The following GPSM2 variants were observed in gnomAD, a reference collection of about 807,000 sequenced individuals.
GPSM2 encodes G protein-signaling modulator 2.
GPSM2 carries 58 observed loss-of-function variants against 78.4 expected under a neutral mutation model. The observed-to-expected ratio is 0.74, with a 90% confidence interval of 0.60 to 0.92. The LOEUF (loss-of-function observed/expected upper bound fraction) is 0.92. Among genes scored for constraint, GPSM2 ranks in the 40% least tolerant of loss-of-function variants. GPSM2 has a pLI of 0.00. For missense variants in GPSM2, 700 were observed against 815.5 expected (o/e 0.86, Z 1.73); for synonymous variants, 224 against 280.2 (o/e 0.80, Z 2.00).
Position 108,903,243 on chromosome 1 carries a change from CT to C in GPSM2, c.1062+10del. The C allele has an allele frequency of 6.9e-7, 1 of 1,459,038 alleles. No individual in the cohort carries two copies. Among genetic ancestry groups the C allele is most frequent in the Non-Finnish European group, 9.6e-7 (1 of 1,039,262 alleles). 90.4% of individuals were successfully genotyped at this position (1,459,038 alleles called of 1,614,324 possible). On this transcript the variant is annotated intron_variant, in intron 9 of 14. Transcript: ENST00000264126. Reference sequence around the variant, plus strand: ...TGGAAATTTCAAGAGAGGTATGAAACTAAAAAAAATGCTGTCTGTGCTATTG... The same window carrying C: ...TGGAAATTTCAAGAGAGGTATGAAACAAAAAAAATGCTGTCTGTGCTATTG...
intron 10 of GPSM2, among the ~76,000 whole-genome samples, chr1:108,912,286 G>A (rs928001447): frequency 6.6e-6 from 1 of 152,146 alleles, no homozygotes; most frequent in Admixed American, 6.5e-5. Context: ...TTTCTTTACA[G>A]ATATAAGTAA....
chr1:108,918,630 T>C lies in GPSM2; in HGVS notation c.1281T>C (p.Ser427=). 1 of 1,613,348 alleles carries C rather than the reference T, an allele frequency of 6.2e-7. No homozygotes were observed. The highest frequency in any genetic ancestry group is 8.5e-7 in the Non-Finnish European group (1 of 1,179,356). ...LTPEKVQNWN[S]EILAKQKPLI... The stretch of plus-strand genomic sequence containing the variant: ...TTTTGTAGGTACAGAACTGGAACAG[T>C]GAAATTCTTGCTAAGCAAAAACCTC... Residue 427 remains serine, a synonymous_variant, in exon 12 of 15, where the codon AGT becomes AGC. Coordinates refer to ENST00000264126, the MANE Select transcript of GPSM2 (RefSeq NM_013296.5).
chr1:108,879,823 AG>A (rs979812295), intron 1 of GPSM2, among the ~76,000 whole-genome samples: 1 of 151,996 alleles, frequency 6.6e-6, no homozygotes, highest in African/African-American at 2.4e-5. Flanking sequence ...TCAAAAAAAA[AG>A]GGGGGGCTGA....
rs929506444 is a variant in GPSM2 at position 108,892,309 on chromosome 1, C to T, written c.57-4555C>T. On this transcript the variant is annotated intron_variant, in intron 2 of 14. Transcript: ENST00000264126. ...TGGTTTTATGTTTTGCATTCACTGA[C>T]GTCCTGTGAACACGAAACAAATTTA... Among the ~76,000 whole-genome samples, 7 of 152,094 alleles carry T rather than the reference C, an allele frequency of 4.6e-5. No homozygotes were observed. In the South Asian group the frequency reaches 8.3e-4, roughly 18 times the overall value.
Position 108,918,674 on chromosome 1 carries a change from C to T in GPSM2, c.1325C>T (p.Ala442Val), listed in dbSNP as rs1468443783. Reference protein sequence around the residue: ...KQKPLIAKPSAKLLFVNRLKG... With the variant: ...KQKPLIAKPSVKLLFVNRLKG... Reference sequence around the variant, plus strand: ...AAACCTCTTATTGCCAAACCTTCTGCAAAGCTACTCTTTGTCAACAGACTG... The same window carrying T: ...AAACCTCTTATTGCCAAACCTTCTGTAAAGCTACTCTTTGTCAACAGACTG... Residue 442 changes from alanine to valine, a missense_variant, in exon 12 of 15, where the codon GCA becomes GTA. Physicochemically the swap from Ala to Val is moderately conservative, Grantham distance 64. Transcript: ENST00000264126. The T allele has an allele frequency of 4.3e-6, 7 of 1,613,144 alleles. No homozygotes were observed. Among genetic ancestry groups the T allele is most frequent in the Non-Finnish European group, 5.9e-6 (7 of 1,179,180 alleles).
At position 108,934,498 on chromosome 1, in the gene GPSM2, G is replaced by A; in HGVS notation, c.*4558G>A. ...TGAAAAGCTTTTACATATATAACGT[G>A]TTTGTTAATTCTAATTGTCAGTAAA... On this transcript the variant is annotated 3_prime_UTR_variant, in exon 15 of 15. Transcript: ENST00000264126. 1 of 688,294 alleles carries A rather than the reference G, an allele frequency of 1.5e-6. No individual in the cohort carries two copies. Among genetic ancestry groups the A allele is most frequent in the South Asian group, 2.2e-5 (1 of 44,706 alleles). The allele number at this position is 688,294 out of a possible 1,614,324, so 42.6% of individuals were successfully genotyped here. A position where few individuals can be genotyped will look rare whatever the true frequency, so the allele number is the denominator to read the frequency against.
chr1:108,915,422 T>TC (rs1485790029), intron 11 of GPSM2, among the ~76,000 whole-genome samples: 5 of 151,274 alleles, frequency 3.3e-5, no homozygotes, highest in African/African-American at 4.8e-5. Flanking sequence ...TTTTTATTTC[T>TC]TTTTTTTCTT....
At chr1:108,888,518 T>C (rs1647741413) in intron 2 of GPSM2, among the ~76,000 whole-genome samples, 1 of 152,134 alleles carries the variant, frequency 6.6e-6, no homozygotes, top group African/African-American at 2.4e-5. Context: ...TTAAAATCTT[T>C]TTGTGAAGAT....
Position 108,904,115 on chromosome 1 carries a change from T to C in GPSM2, c.1063-10T>C. 2.5e-6 allele frequency: 4 copies of C among 1,575,362 alleles called. No individual in the cohort carries two copies. The highest frequency in any genetic ancestry group is 3.5e-6 in the Non-Finnish European group (4 of 1,145,978). On this transcript the variant is annotated splice_polypyrimidine_tract_variant and intron_variant, in intron 9 of 14. Coordinates refer to ENST00000264126, the MANE Select transcript of GPSM2 (RefSeq NM_013296.5). ...AATACTACTCTAAAATATAAATGTT[T>C]GTGTTGTAGGTTGGGGATAAAAGTG... is the stretch of plus-strand genomic sequence containing the variant.
At chr1:108,914,245 G>A in intron 10 of GPSM2, 93 bp from the exon 11 acceptor site, 3 of 815,120 alleles carry the variant, frequency 3.7e-6, no homozygotes, top group East Asian at 2.5e-5. Context: ...ATGGGTTTGT[G>A]TATCAGATTT....
At position 108,895,917 on chromosome 1, in the gene GPSM2, C is replaced by G. The variant is rs558207831; in HGVS notation, c.57-947C>G. Among the ~76,000 whole-genome samples, 206 of 152,276 alleles carry G rather than the reference C, an allele frequency of 1.4e-3. 1 individual carries two copies. In the Middle Eastern group the frequency reaches 0.02, roughly 15 times the overall value. ...AAGTATCGTATCAAATTCACAGTTT[C>G]ATGAGTACTGCTTTGGATGAAGCTC... On this transcript the variant is annotated intron_variant, in intron 2 of 14. Coordinates refer to ENST00000264126, the MANE Select transcript of GPSM2 (RefSeq NM_013296.5).
At chr1:108,879,369 G>T (rs1665783196) in intron 1 of GPSM2, among the ~76,000 whole-genome samples, 1 of 152,202 alleles carries the variant, frequency 6.6e-6, no homozygotes, top group Non-Finnish European at 1.5e-5. Flanking sequence ...GGTGTTGTGA[G>T]ATGACAAGAA....
chr1:108,908,185 C>T (rs148222621), intron 10 of GPSM2, among the ~76,000 whole-genome samples: 1,563 of 151,910 alleles, frequency 0.01, 26 homozygotes, highest in African/African-American at 0.036. Flanking sequence ...TCCTGGCTAA[C>T]GTGGTGAAAC....
At chr1:108,910,756 AG>A (rs1649668655) in intron 10 of GPSM2, among the ~76,000 whole-genome samples, 1 of 151,760 alleles carries the variant, frequency 6.6e-6, no homozygotes, top group African/African-American at 2.4e-5. Flanking sequence ...CCAGCTACTC[AG>A]GAGGCTGAGG....
At chr1:108,899,713 A>G (rs1428106741) in intron 7 of GPSM2, among the ~76,000 whole-genome samples, 1 of 152,206 alleles carries the variant, frequency 6.6e-6, no homozygotes, top group Non-Finnish European at 1.5e-5. Context: ...CCTCTTACAG[A>G]TTTTGGGTAG....
At chr1:108,896,736 T>G in intron 2 of GPSM2, 128 bp from the exon 3 acceptor site, 1 of 780,472 alleles carries the variant, frequency 1.3e-6, no homozygotes, top group Non-Finnish European at 2.3e-6. Flanking sequence ...GGAATGTATA[T>G]AAACTTCAGT....
intron 4 of GPSM2, 114 bp downstream of exon 4, chr1:108,897,741 C>A: frequency 2.9e-6 from 3 of 1,047,524 alleles, no homozygotes; most frequent in Non-Finnish European, 4.1e-6. Flanking sequence ...AAAAAGAAAA[C>A]ATTTATAGAC....
intron 10 of GPSM2, 88 bp from the exon 11 acceptor site, chr1:108,914,250 A>T: frequency 2.4e-6 from 2 of 850,670 alleles, no homozygotes; most frequent in Non-Finnish European, 4.0e-6. Context: ...TTTGTGTATC[A>T]GATTTTAGAA....
At chr1:108,888,533 T>C (rs1238240134) in intron 2 of GPSM2, among the ~76,000 whole-genome samples, 1 of 152,184 alleles carries the variant, frequency 6.6e-6, no homozygotes, top group Admixed American at 6.5e-5. Flanking sequence ...GAAGATGCGA[T>C]CTCACTCTGT....
Sources: allele counts gnomAD v4.1 joint callset (sites outside exome capture counted in the v4.1 genomes callset), GRCh38; gene constraint gnomAD v4.1.1; transcripts MANE v1.5; gene names NCBI Gene and HGNC (gene_info 2026-07-23, HGNC 2026-07-21).